Variants in CLRN1 observed in about 807,000 individuals in gnomAD.
CLRN1 encodes the protein clarin-1.
In CLRN1, 15 loss-of-function variants were observed where a neutral mutation model predicts 18.7. The observed-to-expected ratio is 0.80, with a 90% CI of 0.54 to 1.23. The LOEUF (loss-of-function observed/expected upper bound fraction) is 1.23. Ranked by LOEUF, CLRN1 falls within the 50% of genes most tolerant of loss-of-function variation. The probability of loss-of-function intolerance (pLI) is 0.00; values close to 1 mark genes in which losing one functional copy is unlikely to be tolerated. For missense variants in CLRN1, 311 were observed against 277.5 expected (o/e 1.12, Z -0.86); for synonymous variants, 104 against 102.9 (o/e 1.01, Z -0.07).
rs556957964 is a variant in CLRN1, at chr3:150,939,980, C to T, written c.433+1602G>A. On this transcript the variant is annotated intron_variant, in intron 2 of 2. Transcript: ENST00000327047. ...TGGCTCATGTCCTATTGCTTCAAAGCGCCTGTTCTACCAGTTCCATGTCAT... is the reference window on the plus strand; with the variant it reads ...TGGCTCATGTCCTATTGCTTCAAAGTGCCTGTTCTACCAGTTCCATGTCAT... Among the ~76,000 whole-genome samples the T allele has an allele frequency of 6.6e-5, 10 of 152,284 alleles. No homozygotes were observed. The South Asian group carries it at 1.7e-3, about 25-fold the overall frequency.
chr3:150,952,879 G>C (rs1418009013), intron 1 of CLRN1, among the ~76,000 whole-genome samples: 1 of 152,198 alleles, frequency 6.6e-6, no homozygotes, highest in Admixed American at 6.5e-5. Context: ...ACTGTTGTGA[G>C]AACATGACCC....
intron 1 of CLRN1, among the ~76,000 whole-genome samples, chr3:150,969,223 C>A (rs1012517033): frequency 7.0e-6 from 1 of 142,434 alleles, no homozygotes; most frequent in Admixed American, 7.1e-5. Flanking sequence ...TTCATCTATT[C>A]CTTTTTACTT....
At chr3:150,968,840 C>G (rs898301434) in intron 1 of CLRN1, among the ~76,000 whole-genome samples, 1 of 152,172 alleles carries the variant, frequency 6.6e-6, no homozygotes, top group Non-Finnish European at 1.5e-5. Context: ...TGACCCTATG[C>G]AAATCAGACA....
chr3:150,929,817 A>G (rs962820369), intron 2 of CLRN1, among the ~76,000 whole-genome samples: 27 of 152,346 alleles, frequency 1.8e-4, no homozygotes, highest in East Asian at 3.9e-4. Context: ...ACCTGACTAC[A>G]TCAGGGTAGG....
chr3:150,927,034 T>A lies in CLRN1; in HGVS notation c.*902A>T. 1 of 1,301,690 alleles carries A rather than the reference T, an allele frequency of 7.7e-7. No homozygotes were observed. The highest frequency in any genetic ancestry group is 1.1e-6 in the Non-Finnish European group (1 of 928,006). 80.6% of individuals were successfully genotyped at this position (1,301,690 alleles called of 1,614,324 possible). A position where few individuals can be genotyped will look rare whatever the true frequency, so the allele number is the denominator to read the frequency against. ...ATATTAGTACTCGAGACACTATAGC[T>A]AGAAAAACAGCCCCTAATAAGTCAT... On this transcript the variant is annotated 3_prime_UTR_variant, in exon 3 of 3. Transcript: ENST00000327047.
chr3:150,928,224 T>G, intron 2 of CLRN1, 23 bp from the exon 3 acceptor site: 1 of 1,613,464 alleles, frequency 6.2e-7, no homozygotes, highest in East Asian at 2.2e-5. Flanking sequence ...AAACAAGGTG[T>G]TGGGACAAAT....
intron 1 of CLRN1, among the ~76,000 whole-genome samples, chr3:150,946,603 A>G (rs13099797): frequency 0.42 from 63,380 of 151,688 alleles, 15,956 homozygotes; most frequent in Non-Finnish European, 0.57. Context: ...TAAAAATTCC[A>G]AAGACTGTAA....
At chr3:150,939,169 A>G (rs1024776418) in intron 2 of CLRN1, among the ~76,000 whole-genome samples, 7 of 152,176 alleles carry the variant, frequency 4.6e-5, no homozygotes, top group African/African-American at 1.7e-4. Flanking sequence ...TCTGTCAAAC[A>G]TGAGCACCAG....
At chr3:150,945,862 T>A (rs1426149554) in intron 1 of CLRN1, among the ~76,000 whole-genome samples, 2 of 152,304 alleles carry the variant, frequency 1.3e-5, no homozygotes, top group South Asian at 4.1e-4. Flanking sequence ...AGCTGGGCAA[T>A]CTATAAAGCA....
In CLRN1 at chr3:150,932,810, A is replaced by G. The variant is rs140555981; in HGVS notation, c.434-4609T>C. The stretch of plus-strand genomic sequence containing the variant: ...CGATGGCTACCATCTAAAAAGGGAC[A>G]GAGGGACAAGTGAAGTGAGTTAATA... On this transcript the variant is annotated intron_variant, in intron 2 of 2. Coordinates refer to ENST00000327047, the MANE Select transcript of CLRN1 (RefSeq NM_174878.3). Among the ~76,000 whole-genome samples the G allele has an allele frequency of 2.5e-3, 388 of 152,364 alleles. 3 individuals carry two copies. Among genetic ancestry groups the G allele is most frequent in the African/African-American group, 8.7e-3 (361 of 41,586 alleles).
chr3:150,930,662 G>A (rs978717615), intron 2 of CLRN1, among the ~76,000 whole-genome samples: 5 of 151,930 alleles, frequency 3.3e-5, no homozygotes, highest in African/African-American at 9.7e-5. Context: ...TCTTTTATTC[G>A]AAAATTGTGG....
At chr3:150,940,611 C>G in intron 2 of CLRN1, 2 of 1,247,598 alleles carry the variant, frequency 1.6e-6, no homozygotes, top group African/African-American at 1.5e-5. Context: ...TCCATGAAAC[C>G]ATCAATAAAA....
At chr3:150,935,251 G>A (rs536008436) in intron 2 of CLRN1, among the ~76,000 whole-genome samples, 4 of 150,640 alleles carry the variant, frequency 2.7e-5, no homozygotes, top group Non-Finnish European at 4.4e-5. Flanking sequence ...CCAATAACTC[G>A]TCATTTAGCA....
At chr3:150,946,555 T>G (rs1183852057) in intron 1 of CLRN1, among the ~76,000 whole-genome samples, 1 of 95,468 alleles carries the variant, frequency 1.0e-5, no homozygotes, top group Non-Finnish European at 2.7e-5. Context: ...AATACAAAAA[T>G]ACTTTTTTTT....
At chr3:150,960,477 C>G (rs1714970992) in intron 1 of CLRN1, among the ~76,000 whole-genome samples, 1 of 152,156 alleles carries the variant, frequency 6.6e-6, no homozygotes, top group Admixed American at 6.5e-5. Context: ...TATCTTGCAG[C>G]TCAGTCTTTT....
chr3:150,927,225 A>AT lies in CLRN1; in HGVS notation c.*710dup. 1 of 495,826 alleles carries AT rather than the reference A, an allele frequency of 2.0e-6. No individual in the cohort carries two copies. The highest frequency in any genetic ancestry group is 1.5e-5 in the South Asian group (1 of 64,888). 30.7% of individuals were successfully genotyped at this position (495,826 alleles called of 1,614,324 possible). The stretch of plus-strand genomic sequence containing the variant: ...TCTTTTCTTCTTTTAGAGTTTGCAG[A>AT]TTTTGACCAACAGACATGGTTAATA... On this transcript the variant is annotated 3_prime_UTR_variant, in exon 3 of 3. Transcript: ENST00000327047.
At chr3:150,963,980 T>G (rs55920295) in intron 1 of CLRN1, among the ~76,000 whole-genome samples, 27,594 of 152,068 alleles carry the variant, frequency 0.18, 2,774 homozygotes, top group East Asian at 0.39. Context: ...AACCTAGGCA[T>G]TACCATTCAG....
chr3:150,962,106 C>T (rs999920731), intron 1 of CLRN1, among the ~76,000 whole-genome samples: 26 of 152,174 alleles, frequency 1.7e-4, no homozygotes, highest in African/African-American at 6.0e-4. Flanking sequence ...GGCTGTGGCA[C>T]ATATGTGTCT....
intron 2 of CLRN1, among the ~76,000 whole-genome samples, chr3:150,934,109 T>G (rs974264214): frequency 6.6e-6 from 1 of 152,214 alleles, no homozygotes; most frequent in African/African-American, 2.4e-5. Flanking sequence ...GATGCAGATT[T>G]TTTTTCACCA....
Sources: allele counts gnomAD v4.1 joint callset (sites outside exome capture counted in the v4.1 genomes callset), GRCh38; gene constraint gnomAD v4.1.1; transcripts MANE v1.5; gene names NCBI Gene and HGNC (gene_info 2026-07-23, HGNC 2026-07-21).